NXN: variants seen among roughly 807,000 people sequenced by gnomAD.
The protein encoded by NXN is nucleoredoxin, also known as nucleoredoxin 1.
In NXN, 16 loss-of-function variants were observed where a neutral mutation model predicts 48.6. The observed-to-expected ratio is 0.33, with a 90% confidence interval of 0.22 to 0.50. The LOEUF (loss-of-function observed/expected upper bound fraction) is 0.50. Among genes scored for constraint, NXN ranks in the 20% least tolerant of loss-of-function variants. The probability of loss-of-function intolerance (pLI) is 0.98; values close to 1 mark genes in which losing one functional copy is unlikely to be tolerated. For synonymous variants in NXN, 281 were observed against 269.6 expected (o/e 1.04, Z -0.41); for missense variants, 492 against 605.5 (o/e 0.81, Z 1.97).
intron 1 of NXN, among the ~76,000 whole-genome samples, chr17:840,263 G>A (rs1914069856): frequency 6.6e-6 from 1 of 152,164 alleles, no homozygotes; most frequent in Admixed American, 6.5e-5. Context: ...TATCAACTTG[G>A]GATACCTCCA....
intron 1 of NXN, among the ~76,000 whole-genome samples, chr17:955,312 CAT>C (rs1401777615): frequency 2.6e-5 from 4 of 151,780 alleles, no homozygotes; most frequent in African/African-American, 7.2e-5. Context: ...GGATTACAGG[CAT>C]GCGCCACCAC....
chr17:833,536 C>T (rs1463300646), intron 1 of NXN, among the ~76,000 whole-genome samples: 2 of 152,128 alleles, frequency 1.3e-5, no homozygotes, highest in Non-Finnish European at 2.9e-5. Context: ...TTTCAAAATG[C>T]CTCTGAAAAC....
intron 1 of NXN, 123 bp from the exon 2 acceptor site, chr17:826,201 T>A: frequency 1.3e-6 from 1 of 758,920 alleles, no homozygotes; most frequent in Non-Finnish European, 2.4e-6. Flanking sequence ...CAGAAAAGAA[T>A]AATGGATGCC....
chr17:906,330 T>TAAA (rs879684120), intron 1 of NXN, among the ~76,000 whole-genome samples: 4 of 149,492 alleles, frequency 2.7e-5, no homozygotes, highest in Admixed American at 6.7e-5. Context: ...TGGCCTGGAA[T>TAAA]TAATAAATAA....
chr17:846,572 GCCTTC>G (rs2067864487), intron 1 of NXN, among the ~76,000 whole-genome samples: 1 of 152,208 alleles, frequency 6.6e-6, no homozygotes, highest in African/African-American at 2.4e-5. Context: ...GGGCACAAAA[GCCTTC>G]ATTCCTGACA....
chr17:824,427 T>C lies in NXN; in HGVS notation c.479-662A>G, dbSNP rs528700688. Reference sequence around the variant, plus strand: ...CCCAGGGGCAACGCAAAGATGTACGTGCAAAATGAAACAGGCTCCCCAGAA... The same window carrying C: ...CCCAGGGGCAACGCAAAGATGTACGCGCAAAATGAAACAGGCTCCCCAGAA... On this transcript the variant is annotated intron_variant, in intron 2 of 7. Transcript: ENST00000336868. 2.0e-5 allele frequency among the ~76,000 whole-genome samples: 3 copies of C among 152,218 alleles called. No homozygotes were observed. In the South Asian group the frequency reaches 6.2e-4, roughly 32 times the overall value.
At position 902,470 on chromosome 17, in the gene NXN, G is replaced by A. The variant is rs1047177907; in HGVS notation, c.361-76392C>T. Among the ~76,000 whole-genome samples, 57 of 152,236 alleles carry A rather than the reference G, an allele frequency of 3.7e-4. 1 individual carries two copies. Among genetic ancestry groups the A allele is most frequent in the African/African-American group, 1.1e-3 (46 of 41,562 alleles). Reference sequence around the variant, plus strand: ...GAGAAGGCAGTGGAGAGAAAAAGGCGACACAAGAAAAGATGCTGCCTCACT... The same window carrying A: ...GAGAAGGCAGTGGAGAGAAAAAGGCAACACAAGAAAAGATGCTGCCTCACT... On this transcript the variant is annotated intron_variant, in intron 1 of 7. Coordinates refer to ENST00000336868, the MANE Select transcript of NXN (RefSeq NM_022463.5).
chr17:856,852 C>A (rs1227000869), intron 1 of NXN, among the ~76,000 whole-genome samples: 4 of 152,174 alleles, frequency 2.6e-5, no homozygotes, highest in African/African-American at 9.7e-5. Context: ...CTGAGGCTTT[C>A]TCTACAGCTC....
chr17:979,385 C>A lies in NXN; in HGVS notation c.294G>T (p.Arg98=). ...IVFVSSDQDQ[R]QWQDFVRDMP... ...TGTCCCGCACGAAGTCCTGCCACTG[C>A]CGCTGGTCCTGGTCCGAGGACACGA... Residue 98 remains arginine (R), a synonymous_variant, in exon 1 of 8, where the codon CGG becomes CGT. Transcript: ENST00000336868. 6.5e-7 allele frequency: 1 copy of A among 1,531,696 alleles called. No homozygotes were observed. The highest frequency in any genetic ancestry group is 8.8e-7 in the Non-Finnish European group (1 of 1,140,932). 94.9% of individuals were successfully genotyped at this position (1,531,696 alleles called of 1,614,324 possible). A position where few individuals can be genotyped will look rare whatever the true frequency, so the allele number is the denominator to read the frequency against.
chr17:909,289 T>G (rs183138529), intron 1 of NXN, among the ~76,000 whole-genome samples: 154 of 152,222 alleles, frequency 1.0e-3, no homozygotes, highest in African/African-American at 3.6e-3. Context: ...CAAACACTTA[T>G]AAAGCTAAAC....
chr17:858,491 G>A (rs1262810068), intron 1 of NXN, among the ~76,000 whole-genome samples: 1 of 151,898 alleles, frequency 6.6e-6, no homozygotes, highest in Non-Finnish European at 1.5e-5. Context: ...ACTTTGGGAG[G>A]CTGAGGCTGG....
chr17:947,163 A>G (rs1320197942), intron 1 of NXN, among the ~76,000 whole-genome samples: 1 of 152,124 alleles, frequency 6.6e-6, no homozygotes, highest in Non-Finnish European at 1.5e-5. Context: ...CCCATTCTAG[A>G]TGACAAAGCA....
chr17:866,037 A>G (rs1342282181), intron 1 of NXN, among the ~76,000 whole-genome samples: 1 of 152,210 alleles, frequency 6.6e-6, no homozygotes, highest in Non-Finnish European at 1.5e-5. Context: ...ATTATTTGCT[A>G]CAGCAAAAGG....
chr17:868,120 G>C (rs1237332160), intron 1 of NXN, among the ~76,000 whole-genome samples: 4 of 152,162 alleles, frequency 2.6e-5, no homozygotes, highest in Non-Finnish European at 5.9e-5. Context: ...AAGAGTTCCA[G>C]AGTCATCTCC....
intron 1 of NXN, among the ~76,000 whole-genome samples, chr17:939,636 G>A (rs937471837): frequency 7.2e-5 from 11 of 151,960 alleles, no homozygotes; most frequent in South Asian, 2.1e-4. Context: ...GTGAGCCACC[G>A]CGCCTGGCCA....
chr17:943,732 G>A (rs2069008923), intron 1 of NXN, among the ~76,000 whole-genome samples: 1 of 151,904 alleles, frequency 6.6e-6, no homozygotes, highest in African/African-American at 2.4e-5. Context: ...GGCTGAGACA[G>A]GAGAACTGCT....
intron 1 of NXN, among the ~76,000 whole-genome samples, chr17:874,356 G>A (rs370565428): frequency 3.9e-5 from 6 of 152,292 alleles, no homozygotes; most frequent in Non-Finnish European, 8.8e-5. Flanking sequence ...TTGGGAGGCC[G>A]AGGTGGATCA....
At chr17:928,281 G>C (rs2068821278) in intron 1 of NXN, among the ~76,000 whole-genome samples, 1 of 152,154 alleles carries the variant, frequency 6.6e-6, no homozygotes, top group Non-Finnish European at 1.5e-5. Context: ...TCATTCCAAA[G>C]AGTGGCAGTT....
At chr17:804,600 G>A (rs142557413) in intron 6 of NXN, among the ~76,000 whole-genome samples, 1,988 of 152,206 alleles carry the variant, frequency 0.013, 26 homozygotes, top group Non-Finnish European at 0.019. Context: ...AGTTACCCAC[G>A]GAGCTCAGAC....
Sources: gnomAD v4.1 joint callset for allele counts (sites outside exome capture counted in the v4.1 genomes callset) on GRCh38, gnomAD v4.1.1 for gene constraint, MANE v1.5 for transcripts, NCBI Gene and HGNC (gene_info 2026-07-23, HGNC 2026-07-21) for gene names.